The following PRSS12 variants were observed in gnomAD, a reference collection of about 807,000 sequenced individuals.
PRSS12 encodes the protein neurotrypsin.
Under a neutral mutation model 104.4 loss-of-function variants are expected in PRSS12, and 85 were observed. The ratio of observed to expected loss-of-function variants is 0.81; its 90% CI spans 0.68 to 0.98. PRSS12 has a LOEUF of 0.98. Ranked by LOEUF, PRSS12 falls within the 50% of genes least tolerant of loss-of-function variation. PRSS12 has a pLI of 0.00. For synonymous variants in PRSS12, 454 were observed against 425.2 expected (o/e 1.07, Z -0.83); for missense variants, 1,141 against 1,139.2 (o/e 1.00, Z -0.02).
In PRSS12 at chr4:118,281,618, C is replaced by A. The variant is rs977746222; in HGVS notation, c.*318G>T. 2.1e-5 allele frequency: 8 copies of A among 380,396 alleles called. No homozygotes were observed. The highest frequency in any genetic ancestry group is 8.1e-4 in the Middle Eastern group (1 of 1,230). The allele number at this position is 380,396 out of a possible 1,614,324, so 23.6% of individuals were successfully genotyped here. On this transcript the variant is annotated 3_prime_UTR_variant, in exon 13 of 13. Transcript: ENST00000296498. ...ATTCAATTAAAAGGGGTTCTCAGTT[C>A]AAATGTAAAAATGATCTTTTGTAAA...
chr4:118,328,026 T>G (rs1240189708), intron 4 of PRSS12, among the ~76,000 whole-genome samples: 3 of 152,178 alleles, frequency 2.0e-5, no homozygotes. Flanking sequence ...AAAACTGAGA[T>G]GAAATTTGCT....
At chr4:118,330,790 G>A (rs1033590084) in intron 4 of PRSS12, among the ~76,000 whole-genome samples, 1 of 152,180 alleles carries the variant, frequency 6.6e-6, no homozygotes, top group African/African-American at 2.4e-5. Context: ...GTGTTAAAGT[G>A]TCTATATTTT....
At chr4:118,336,249 T>C (rs1004651595) in intron 2 of PRSS12, among the ~76,000 whole-genome samples, 1 of 152,176 alleles carries the variant, frequency 6.6e-6, no homozygotes, top group Non-Finnish European at 1.5e-5. Context: ...ATTAATAACA[T>C]AGCAACATGC....
chr4:118,342,694 G>T (rs1724247943), intron 1 of PRSS12, among the ~76,000 whole-genome samples: 1 of 152,120 alleles, frequency 6.6e-6, no homozygotes, highest in Non-Finnish European at 1.5e-5. Flanking sequence ...GAAATGAACG[G>T]CTACCAAAAA....
Position 118,298,937 on chromosome 4 carries a change from C to G in PRSS12, c.1633G>C (p.Gly545Arg). The stretch of plus-strand genomic sequence containing the variant: ...GCCATGGTTCTTGCTCTGGCAGGAC[C>G]CCTGAAGACAGAACATTCTTAATCA... The part of the protein sequence containing the change: ...AVICRQLGYK[G>R]PARARTMAYF... Residue 545 changes from glycine to arginine, a missense_variant and splice_region_variant, in exon 9 of 13, where the codon GGT (glycine) becomes CGT (arginine). Coordinates refer to ENST00000296498, the MANE Select transcript of PRSS12 (RefSeq NM_003619.4). 1 of 1,614,030 alleles carries G rather than the reference C, an allele frequency of 6.2e-7. No homozygotes were observed. The highest frequency in any genetic ancestry group is 8.5e-7 in the Non-Finnish European group (1 of 1,179,980).
chr4:118,338,354 T>G, intron 1 of PRSS12, 40 bp from the exon 2 acceptor site: 1 of 1,611,770 alleles, frequency 6.2e-7, no homozygotes, highest in South Asian at 1.1e-5. Flanking sequence ...TAATAGTAAA[T>G]AATCATTTGA....
chr4:118,330,579 G>T (rs902020932), intron 4 of PRSS12, among the ~76,000 whole-genome samples: 4 of 152,084 alleles, frequency 2.6e-5, no homozygotes, highest in African/African-American at 7.2e-5. Context: ...ATAATATCCA[G>T]ATTGGTCTTG....
In PRSS12 at chr4:118,335,063, T is replaced by C. The variant is rs79176872; in HGVS notation, c.820+410A>G. On this transcript the variant is annotated intron_variant, in intron 3 of 12. Transcript: ENST00000296498. ...CAAGAACACTGATGCCATAATTATA[T>C]TGCATTACACAAAGTGAAAATATTT... 8.2e-3 allele frequency among the ~76,000 whole-genome samples: 1,242 copies of C among 152,296 alleles called. 18 individuals are homozygous for C. Among genetic ancestry groups the C allele is most frequent in the African/African-American group, 0.029 (1,185 of 41,564 alleles).
intron 12 of PRSS12, among the ~76,000 whole-genome samples, chr4:118,282,532 G>A (rs768895395): frequency 2.0e-4 from 30 of 152,164 alleles, no homozygotes; most frequent in Non-Finnish European, 3.7e-4. Flanking sequence ...GCAGGCTTTC[G>A]TATTTGAATT....
intron 2 of PRSS12, among the ~76,000 whole-genome samples, chr4:118,336,149 T>A (rs919699700): frequency 3.3e-5 from 5 of 152,216 alleles, no homozygotes; most frequent in Non-Finnish European, 5.9e-5. Context: ...TTACTACATC[T>A]AAGCACAATA....
At chr4:118,313,503 G>C in intron 6 of PRSS12, 106 bp from the exon 7 acceptor site, 1 of 1,201,392 alleles carries the variant, frequency 8.3e-7, no homozygotes, top group Non-Finnish European at 1.2e-6. Flanking sequence ...GACTTCAGAG[G>C]ATAAGTATCT....
intron 1 of PRSS12, among the ~76,000 whole-genome samples, chr4:118,350,894 G>T (rs1375215445): frequency 6.6e-6 from 1 of 152,038 alleles, no homozygotes; most frequent in Non-Finnish European, 1.5e-5. Flanking sequence ...ATAAAACTAA[G>T]AATAATATGA....
chr4:118,306,581 A>T (rs963221206), intron 8 of PRSS12, among the ~76,000 whole-genome samples: 6 of 152,072 alleles, frequency 3.9e-5, no homozygotes, highest in African/African-American at 1.2e-4. Flanking sequence ...TCTCATGTGA[A>T]CTCAGGGCAT....
intron 1 of PRSS12, among the ~76,000 whole-genome samples, chr4:118,342,442 T>C (rs774305009): frequency 5.9e-5 from 9 of 152,212 alleles, no homozygotes; most frequent in Admixed American, 6.5e-5. Context: ...CCGGAGTGTG[T>C]GTGATCCAGC....
intron 1 of PRSS12, among the ~76,000 whole-genome samples, chr4:118,349,530 AG>A (rs1724439930): frequency 1.3e-5 from 2 of 152,370 alleles, no homozygotes; most frequent in East Asian, 3.9e-4. Context: ...CTACAAAATG[AG>A]GATTACTACA....
At chr4:118,313,811 T>C (rs1743825741) in intron 6 of PRSS12, among the ~76,000 whole-genome samples, 1 of 152,146 alleles carries the variant, frequency 6.6e-6, no homozygotes, top group Non-Finnish European at 1.5e-5. Flanking sequence ...TGGTCTTCTT[T>C]CAAAATAAAA....
intron 8 of PRSS12, among the ~76,000 whole-genome samples, chr4:118,302,484 T>C (rs1013761835): frequency 1.3e-5 from 2 of 152,204 alleles, no homozygotes; most frequent in Non-Finnish European, 2.9e-5. Flanking sequence ...TGGAGTGCAA[T>C]GGCACAATCT....
intron 2 of PRSS12, 80 bp from the exon 3 acceptor site, chr4:118,335,731 T>C (rs1724048704): frequency 3.1e-6 from 4 of 1,304,968 alleles, no homozygotes; most frequent in Non-Finnish European, 4.4e-6. Context: ...TGAAAAAAAA[T>C]GGAAGAAATC....
chr4:118,327,702 T>TA (rs1285559925), intron 4 of PRSS12, among the ~76,000 whole-genome samples: 1 of 152,148 alleles, frequency 6.6e-6, no homozygotes, highest in Non-Finnish European at 1.5e-5. Context: ...GTTAAGCACA[T>TA]AAAAAGGAAC....
Sources: gnomAD v4.1 joint callset for allele counts (sites outside exome capture counted in the v4.1 genomes callset) on GRCh38, gnomAD v4.1.1 for gene constraint, MANE v1.5 for transcripts, NCBI Gene and HGNC (gene_info 2026-07-23, HGNC 2026-07-21) for gene names.